Variants in RALGDS observed in about 807,000 individuals in gnomAD.
The protein encoded by RALGDS is ral guanine nucleotide exchange factor.
Under a neutral mutation model 99.8 loss-of-function variants are expected in RALGDS, and 44 were observed. That is an observed-to-expected ratio of 0.44 (90% confidence interval 0.35 to 0.57). RALGDS has a LOEUF of 0.57. Ranked by LOEUF, RALGDS falls within the 20% of genes least tolerant of loss-of-function variation. The pLI, the probability that RALGDS is intolerant of heterozygous loss-of-function variation, is 0.01. For missense variants in RALGDS, 1,022 were observed against 1,203.1 expected (o/e 0.85, Z 2.23); for synonymous variants, 529 against 505.0 (o/e 1.05, Z -0.64).
chr9:133,143,786 C>CAACAACAATAAT (rs1398814466), intron 1 of RALGDS, among the ~76,000 whole-genome samples: 54 of 125,506 alleles, frequency 4.3e-4, no homozygotes, highest in African/African-American at 1.7e-3. Flanking sequence ...ACAACAACAA[C>CAACAACAATAAT]AATAATAATA....
Position 133,103,853 on chromosome 9 carries a change from G to T in RALGDS, c.1672-20C>A, listed in dbSNP as rs76787521. ...GATGCCCTGTGACATTGGGGTAGGAGGATGAGCAAGGCCCCTCCCCTGAAG... is the reference window on the plus strand; with the variant it reads ...GATGCCCTGTGACATTGGGGTAGGATGATGAGCAAGGCCCCTCCCCTGAAG... On this transcript the variant is annotated intron_variant, in intron 10 of 17. Transcript: ENST00000372050. 1.2e-6 allele frequency: 2 copies of T among 1,606,194 alleles called. No homozygotes were observed. Among genetic ancestry groups the T allele is most frequent in the South Asian group, 2.2e-5 (2 of 90,944 alleles).
At chr9:133,143,394 G>A (rs972519096) in intron 1 of RALGDS, among the ~76,000 whole-genome samples, 3 of 152,224 alleles carry the variant, frequency 2.0e-5, no homozygotes, top group African/African-American at 7.2e-5. Context: ...CCTCAGGGGC[G>A]GGCCTGGTAG....
At chr9:133,120,431 C>G (rs1393443680) in intron 1 of RALGDS, among the ~76,000 whole-genome samples, 4 of 135,178 alleles carry the variant, frequency 3.0e-5, no homozygotes, top group Admixed American at 2.9e-4. Flanking sequence ...TCCCCCGACC[C>G]CCCCCCCACC....
At chr9:133,135,281 G>C (rs1832407995), upstream of RALGDS, among the ~76,000 whole-genome samples, 1 of 152,214 alleles carries the variant, frequency 6.6e-6, no homozygotes, top group Non-Finnish European at 1.5e-5. Flanking sequence ...AAGGCAAAGA[G>C]GGGCTGTGCT....
intron 8 of RALGDS, 34 bp downstream of exon 8, chr9:133,106,610 TG>T (rs1300140568): frequency 6.6e-7 from 1 of 1,504,060 alleles, no homozygotes; most frequent in African/African-American, 1.4e-5. Flanking sequence ...GGGAGGTCCC[TG>T]GTGCACCAGG....
chr9:133,106,961 A>G (rs932573496), intron 7 of RALGDS, 124 bp downstream of exon 7: 3 of 1,108,644 alleles, frequency 2.7e-6, no homozygotes, highest in Non-Finnish European at 4.0e-6. Context: ...GTGGGCTGGG[A>G]GAGTCAAGGC....
chr9:133,147,829 G>A (rs969265791), intron 1 of RALGDS, among the ~76,000 whole-genome samples: 4 of 152,280 alleles, frequency 2.6e-5, no homozygotes, highest in African/African-American at 9.6e-5. Flanking sequence ...CAGGCTCCAG[G>A]GGTAATTCAA....
chr9:133,119,147 C>T (rs1290604821), intron 1 of RALGDS, among the ~76,000 whole-genome samples: 1 of 152,170 alleles, frequency 6.6e-6, no homozygotes, highest in Non-Finnish European at 1.5e-5. Context: ...CGGGTGGAAG[C>T]TAGGTAGGGA....
upstream of RALGDS, among the ~76,000 whole-genome samples, chr9:133,123,574 G>T (rs1042540333): frequency 6.6e-6 from 1 of 152,152 alleles, no homozygotes; most frequent in African/African-American, 2.4e-5. Context: ...CCCTCTGGCC[G>T]GTGTCTGTTT....
upstream of RALGDS, chr9:133,131,292 G>A (rs1832327033): frequency 5.1e-6 from 1 of 197,130 alleles, no homozygotes; most frequent in African/African-American, 2.4e-5. Flanking sequence ...GGGTGGGCTG[G>A]GCTGGGGTGG....
In RALGDS at chr9:133,106,565, C is replaced by A; in HGVS notation, c.1517+80G>T. On this transcript the variant is annotated intron_variant, in intron 8 of 17. Transcript: ENST00000372050. The stretch of plus-strand genomic sequence containing the variant: ...CCCTGCCCTCAGGGTTTGTGGCCTC[C>A]CATGGGCTCACTAAGGGGGTGATGC... 6.1e-6 allele frequency: 7 copies of A among 1,139,440 alleles called. No individual in the cohort carries two copies. The South Asian group carries it at 7.9e-5, about 13-fold the overall frequency. The allele number at this position is 1,139,440 out of a possible 1,614,324, so 70.6% of individuals were successfully genotyped here.
At chr9:133,104,510 C>T (rs372245812) in intron 9 of RALGDS, 179 bp from the exon 10 acceptor site, 14 of 626,438 alleles carry the variant, frequency 2.2e-5, no homozygotes, top group African/African-American at 1.3e-4. Context: ...CTGGAAAGTG[C>T]GGATGAGAAC....
intron 1 of RALGDS, among the ~76,000 whole-genome samples, chr9:133,137,875 A>G (rs549286440): frequency 6.6e-6 from 1 of 152,362 alleles, no homozygotes; most frequent in African/African-American, 2.4e-5. Flanking sequence ...ACCCCTCCCC[A>G]AGGCACAGCC....
chr9:133,102,350 T>TCAGGGCCAGTCAGCAGCAGGGTAGGATTC lies in RALGDS; in HGVS notation c.2009+97_2009+125dup, dbSNP rs537189887. On this transcript the variant is annotated intron_variant, in intron 14 of 17. Coordinates refer to ENST00000372050, the MANE Select transcript of RALGDS (RefSeq NM_006266.4). ...AAAGGTGAGGGGACTCATCCCAGTC[T>TCAGGGCCAGTCAGCAGCAGGGTAGGATTC]CAGGGCCAGTCAGCAGCAGGGTAGG... 3 of 1,189,714 alleles carry TCAGGGCCAGTCAGCAGCAGGGTAGGATTC rather than the reference T, an allele frequency of 2.5e-6. No individual in the cohort carries two copies. In the East Asian group the frequency reaches 7.3e-5, roughly 29 times the overall value. The allele number at this position is 1,189,714 out of a possible 1,614,324, so 73.7% of individuals were successfully genotyped here. A position where few individuals can be genotyped will look rare whatever the true frequency, so the allele number is the denominator to read the frequency against.
At chr9:133,109,218 C>T (rs1198654677) in intron 4 of RALGDS, among the ~76,000 whole-genome samples, 1 of 152,224 alleles carries the variant, frequency 6.6e-6, no homozygotes, top group East Asian at 1.9e-4. Context: ...GTGTGGGTCT[C>T]ATCTTCCCAC....
At chr9:133,111,058 A>C (rs898566116) in intron 2 of RALGDS, among the ~76,000 whole-genome samples, 4 of 152,148 alleles carry the variant, frequency 2.6e-5, no homozygotes, top group Non-Finnish European at 5.9e-5. Flanking sequence ...ACAGAGTGAG[A>C]CCCTGTCTCT....
rs1831198133 is a variant in RALGDS at position 133,108,779 on chromosome 9, C to T, written c.672G>A (p.Leu224=). 6.2e-7 allele frequency: 1 copy of T among 1,613,656 alleles called. No individual in the cohort carries two copies. Among genetic ancestry groups the T allele is most frequent in the Non-Finnish European group, 8.5e-7 (1 of 1,180,016 alleles). Residue 224 remains leucine, a synonymous_variant, in exon 5 of 18, where the codon CTG becomes CTA. Coordinates refer to ENST00000372050, the MANE Select transcript of RALGDS (RefSeq NM_006266.4). ...QPPDFPCLKQ[L]VAYVQLNMPG... ...GCATGTTGAGCTGCACGTAGGCCAC[C>T]AGCTGCTTGAGGCAGGGAAAGTCCG...
At chr9:133,128,083 G>T (rs1832218509) in intron 1 of RALGDS, among the ~76,000 whole-genome samples, 1 of 152,210 alleles carries the variant, frequency 6.6e-6, no homozygotes, top group African/African-American at 2.4e-5. Flanking sequence ...GCAAATCGGG[G>T]GCCGCTCGGA....
chr9:133,138,568 C>A (rs1832463685), intron 1 of RALGDS, among the ~76,000 whole-genome samples: 1 of 152,212 alleles, frequency 6.6e-6, no homozygotes, highest in African/African-American at 2.4e-5. Flanking sequence ...CTGGGTCCGG[C>A]TGTCAACCCA....
Sources: gnomAD v4.1 joint callset for allele counts (sites outside exome capture counted in the v4.1 genomes callset) on GRCh38, gnomAD v4.1.1 for gene constraint, MANE v1.5 for transcripts, NCBI Gene and HGNC (gene_info 2026-07-23, HGNC 2026-07-21) for gene names.